Variants in MTFR1L observed in about 807,000 individuals in gnomAD.
MTFR1L encodes mitochondrial fission regulator 1 like, also known as mitochondrial fission regulator 1-like.
A neutral mutation model predicts 27.9 loss-of-function variants in MTFR1L; 10 were observed. The ratio of observed to expected loss-of-function variants is 0.36; its 90% confidence interval spans 0.22 to 0.61. The LOEUF (loss-of-function observed/expected upper bound fraction) is 0.61, where lower values mean the gene tolerates loss of function less well. Ranked by LOEUF, MTFR1L falls within the 20% of genes least tolerant of loss-of-function variation. The probability of loss-of-function intolerance (pLI) is 0.73; values close to 1 mark genes in which losing one functional copy is unlikely to be tolerated. For missense variants in MTFR1L, 315 were observed against 363.7 expected (o/e 0.87, Z 1.09); for synonymous variants, 151 against 139.4 (o/e 1.08, Z -0.58).
chr1:25,823,264 G>A (rs766447555), intron 2 of MTFR1L, 136 bp downstream of exon 2: 59 of 903,912 alleles, frequency 6.5e-5, no homozygotes, highest in African/African-American at 4.7e-4. Flanking sequence ...CAAGGCCACC[G>A]TTTCACTCCC....
chr1:25,820,381 G>C (rs1170820525), intron 1 of MTFR1L: 7 of 454,484 alleles, frequency 1.5e-5, no homozygotes, highest in South Asian at 7.8e-5. Context: ...GGGCCGCTGG[G>C]CAGGCGGCGA....
At chr1:25,827,588 GCA>G in intron 5 of MTFR1L, among the ~76,000 whole-genome samples, 1 of 151,732 alleles carries the variant, frequency 6.6e-6, no homozygotes, top group Non-Finnish European at 1.5e-5. Context: ...TTACGGGTGT[GCA>G]CCACCACACC....
Position 25,823,040 on chromosome 1 carries a change from ACGCCTCC to A in MTFR1L, c.-55_-49del, listed in dbSNP as rs778721409. 4 of 1,613,742 alleles carry A rather than the reference ACGCCTCC, an allele frequency of 2.5e-6. No individual in the cohort carries two copies. In the East Asian group the frequency reaches 8.9e-5, roughly 36 times the overall value. ...CCAGATGGCCTGATATGAAGGAGTCACGCCTCCCGCCTCCCGGAGCTGCCCAGTGGCT... is the reference window on the plus strand; with the variant it reads ...CCAGATGGCCTGATATGAAGGAGTCACGCCTCCCGGAGCTGCCCAGTGGCT... On this transcript the variant is annotated 5_prime_UTR_variant, in exon 2 of 7. Coordinates refer to ENST00000374303, the MANE Select transcript of MTFR1L (RefSeq NM_001099625.2).
At chr1:25,827,836 G>A (rs936211594) in intron 5 of MTFR1L, among the ~76,000 whole-genome samples, 2 of 151,944 alleles carry the variant, frequency 1.3e-5, no homozygotes, top group South Asian at 2.1e-4. Context: ...AGCAGTTCTC[G>A]TGCCTCTGCC....
chr1:25,821,206 T>G (rs928913283), intron 1 of MTFR1L, among the ~76,000 whole-genome samples: 2 of 152,244 alleles, frequency 1.3e-5, no homozygotes, highest in Non-Finnish European at 2.9e-5. Context: ...GCGATGTGAT[T>G]AACTGTGTTT....
chr1:25,827,366 C>G (rs981931372), intron 5 of MTFR1L, among the ~76,000 whole-genome samples: 3 of 151,980 alleles, frequency 2.0e-5, no homozygotes, highest in African/African-American at 7.3e-5. Flanking sequence ...GTATTCCTGA[C>G]CTCAGATGAC....
At position 25,826,820 on chromosome 1, in the gene MTFR1L, G is replaced by A. The variant is rs1254887337; in HGVS notation, c.445G>A (p.Asp149Asn). 1.2e-6 allele frequency: 2 copies of A among 1,613,766 alleles called. No individual in the cohort carries two copies. The highest frequency in any genetic ancestry group is 1.7e-6 in the Non-Finnish European group (2 of 1,179,988). ...CCAGATTGCAAAGATAGTGGCAGCTGATGCAGGTAGGAGCCCCTGTGCCAG... is the reference window on the plus strand; with the variant it reads ...CCAGATTGCAAAGATAGTGGCAGCTAATGCAGGTAGGAGCCCCTGTGCCAG... ...RSQIAKIVAA[D>N]AASASLTPDF... The change falls in exon 5 of 7, where the codon GAT becomes AAT. Residue 149 changes from aspartate to asparagine, a missense_variant. Physicochemically the swap from Asp to Asn is conservative, Grantham distance 23 (BLOSUM62 1). Coordinates refer to ENST00000374303, the MANE Select transcript of MTFR1L (RefSeq NM_001099625.2). The surrounding 1 kb of genome is among the most constrained non-coding windows in gnomAD (Gnocchi z 4.1).
At position 25,826,598 on chromosome 1, in the gene MTFR1L, G is replaced by A; in HGVS notation, c.240-17G>A. ...CCTGCTGTCTCTAACTGATCTACTT[G>A]GTTTTCCCTGGTCCAGGAGTGATAC... is the stretch of plus-strand genomic sequence containing the variant. On this transcript the variant is annotated splice_polypyrimidine_tract_variant and intron_variant, in intron 4 of 6. Coordinates refer to ENST00000374303, the MANE Select transcript of MTFR1L (RefSeq NM_001099625.2). The surrounding 1 kb of genome is among the most constrained non-coding windows in gnomAD (Gnocchi z 4.1). The A allele has an allele frequency of 6.2e-7, 1 of 1,614,014 alleles. No homozygotes were observed. The highest frequency in any genetic ancestry group is 8.5e-7 in the Non-Finnish European group (1 of 1,179,918).
At position 25,831,970 on chromosome 1, in the gene MTFR1L, G is replaced by A; in HGVS notation, c.823G>A (p.Val275Ile). ...EEDPAVLISE[V>I]LRRKFALKEE... ...AGACCCTGCTGTGCTTATCTCTGAG[G>A]TCCTAAGGAGGAAGTTTGCTCTAAA... Residue 275 changes from valine (V) to isoleucine (I), a missense_variant, in exon 7 of 7, where the codon GTC becomes ATC. Physicochemically the swap from Val to Ile is conservative, Grantham distance 29. Transcript: ENST00000374303. The A allele has an allele frequency of 6.2e-7, 1 of 1,614,218 alleles. No homozygotes were observed.
chr1:25,829,273 T>C (rs1270878605), intron 5 of MTFR1L, among the ~76,000 whole-genome samples: 1 of 152,168 alleles, frequency 6.6e-6, no homozygotes, highest in African/African-American at 2.4e-5. Flanking sequence ...GGGGCTGGGT[T>C]TTCCTGCCTT....
intron 2 of MTFR1L, chr1:25,823,417 A>G (rs1177988563): frequency 5.3e-6 from 4 of 750,718 alleles, no homozygotes; most frequent in Non-Finnish European, 9.3e-6. Flanking sequence ...CCCTCCCAAC[A>G]TTGACTGCCT....
intron 2 of MTFR1L, chr1:25,823,339 T>G: frequency 1.4e-6 from 1 of 724,756 alleles, no homozygotes; most frequent in Non-Finnish European, 2.5e-6. Flanking sequence ...TCTGCCTTTC[T>G]GTACAGAGGA....
intron 1 of MTFR1L, chr1:25,822,693 AT>A: frequency 5.4e-6 from 2 of 368,036 alleles, no homozygotes; most frequent in Non-Finnish European, 9.7e-6. Flanking sequence ...CACCTGGCTA[AT>A]TTTTTGTATT....
At chr1:25,828,323 C>A (rs897708539) in intron 5 of MTFR1L, among the ~76,000 whole-genome samples, 1 of 152,230 alleles carries the variant, frequency 6.6e-6, no homozygotes, top group East Asian at 1.9e-4. Flanking sequence ...TGGCTTACGC[C>A]TGTAATCCCA....
In MTFR1L at chr1:25,820,641, A is replaced by G. The variant is rs112296613; in HGVS notation, c.-87+612A>G. On this transcript the variant is annotated intron_variant, in intron 1 of 6. Coordinates refer to ENST00000374303, the MANE Select transcript of MTFR1L (RefSeq NM_001099625.2). The stretch of plus-strand genomic sequence containing the variant: ...AGCAGACAGCAACTGCAGCCTCCGG[A>G]GGGCTGCGGGGCGCAGAGGTGACAA... 5.2e-3 allele frequency: 2,167 copies of G among 414,144 alleles called. 45 individuals are homozygous for G. The highest frequency in any genetic ancestry group is 0.042 in the African/African-American group (1,955 of 46,262). The allele number at this position is 414,144 out of a possible 1,614,324, so 25.7% of individuals were successfully genotyped here. A position where few individuals can be genotyped will look rare whatever the true frequency, so the allele number is the denominator to read the frequency against.
Position 25,829,534 on chromosome 1 carries a change from C to A in MTFR1L, c.477C>A (p.Phe159Leu). The change falls in exon 6 of 7, where the codon TTC (phenylalanine) becomes TTA (leucine). Residue 159 changes from phenylalanine to leucine, a missense_variant. Phe to Leu is a conservative substitution (Grantham distance 22, BLOSUM62 0). Coordinates refer to ENST00000374303, the MANE Select transcript of MTFR1L (RefSeq NM_001099625.2). Reference protein sequence around the residue: ...DAASASLTPDFLSPGSSNVSS... With the variant: ...DAASASLTPDLLSPGSSNVSS... ...CTTCGGCTTCATTAACGCCAGATTT[C>A]TTATCTCCAGGAAGTTCAAATGTCT... The A allele has an allele frequency of 6.2e-7, 1 of 1,613,710 alleles. No individual in the cohort carries two copies. The highest frequency in any genetic ancestry group is 8.5e-7 in the Non-Finnish European group (1 of 1,179,758).
intron 1 of MTFR1L, chr1:25,820,684 G>A (rs1294984066): frequency 4.7e-6 from 2 of 428,744 alleles, no homozygotes; most frequent in Non-Finnish European, 9.2e-6. Context: ...CGGTGCTGCC[G>A]GCGAACCGGG....
Position 25,820,034 on chromosome 1 carries a change from G to A in MTFR1L, c.-87+5G>A. On this transcript the variant is annotated splice_donor_5th_base_variant and intron_variant, in intron 1 of 6. Transcript: ENST00000374303. ...GTCCGGGAGCCCGAGCTTGAGGTGA[G>A]AAAGGTTCTAGGGAGGCGCGGAGGC... The A allele has an allele frequency of 2.7e-6, 1 of 369,652 alleles. No individual in the cohort carries two copies. The highest frequency in any genetic ancestry group is 5.2e-6 in the Non-Finnish European group (1 of 191,390). 22.9% of individuals were successfully genotyped at this position (369,652 alleles called of 1,614,324 possible). A position where few individuals can be genotyped will look rare whatever the true frequency, so the allele number is the denominator to read the frequency against.
chr1:25,831,843 C>A, intron 6 of MTFR1L, 78 bp from the exon 7 acceptor site: 2 of 1,168,570 alleles, frequency 1.7e-6, no homozygotes, highest in South Asian at 1.2e-5. Flanking sequence ...TGTGAGGATT[C>A]AACGAGATAA....
Sources: allele counts gnomAD v4.1 joint callset (sites outside exome capture counted in the v4.1 genomes callset), GRCh38; gene constraint gnomAD v4.1.1; non-coding constraint Gnocchi (gnomAD v3.1); transcripts MANE v1.5; gene names NCBI Gene and HGNC (gene_info 2026-07-23, HGNC 2026-07-21).